The following NSFL1C variants were observed in gnomAD, a reference collection of about 807,000 sequenced individuals.
The protein encoded by NSFL1C is NSFL1 cofactor p47.
In NSFL1C, 14 loss-of-function variants were observed where a neutral mutation model predicts 43.1. The ratio of observed to expected loss-of-function variants is 0.32; its 90% CI spans 0.21 to 0.51. The LOEUF (loss-of-function observed/expected upper bound fraction) is 0.51. Ranked by LOEUF, NSFL1C falls within the 20% of genes least tolerant of loss-of-function variation. NSFL1C has a pLI of 0.98. For missense variants in NSFL1C, 406 were observed against 472.5 expected (o/e 0.86, Z 1.30); for synonymous variants, 171 against 183.5 (o/e 0.93, Z 0.55).
In NSFL1C at chr20:1,458,220, C is replaced by T. The variant is rs1184066499; in HGVS notation, c.258G>A (p.Glu86=). 5 of 1,613,722 alleles carry T rather than the reference C, an allele frequency of 3.1e-6. No homozygotes were observed. ...CTCACCTCTGGCCTTCCTCTTCCTC[C>T]TCATCTTCATCTTGGTCATGAATGA... The part of the protein sequence containing the change: ...RDLIHDQDED[E]EEEEGQRFYA... The change falls in exon 3 of 9, where the codon GAG becomes GAA. Residue 86 remains glutamate (E), a synonymous_variant. Transcript: ENST00000216879.
chr20:1,449,559 C>T (rs6105165), intron 7 of NSFL1C, among the ~76,000 whole-genome samples: 61,276 of 152,100 alleles, frequency 0.4, 13,093 homozygotes, highest in East Asian at 0.78. Context: ...CTGAGAACTG[C>T]CAACAGCTGG....
rs1204816726 is a variant in NSFL1C at position 1,452,496 on chromosome 20, C to T, written c.782G>A (p.Gly261Asp). 1.2e-6 allele frequency: 2 copies of T among 1,614,002 alleles called. No individual in the cohort carries two copies. The highest frequency in any genetic ancestry group is 1.3e-5 in the African/African-American group (1 of 74,940). Residue 261 changes from glycine to aspartate, a missense_variant, in exon 7 of 9, where the codon GGC (glycine) becomes GAC (aspartate). This residue lies in a region of NSFL1C where 196 missense variants were observed against 228.0 expected (regional missense o/e 0.86). Transcript: ENST00000216879. ...TCTAACCTGTGCTGCCCCTTACCTG[C>T]CCAGTTTCTGACCCTCGCCAGTGAA... ...KAFTGEGQKL[G>D]STAPQVLSTS...
rs764679407 is a variant in NSFL1C at position 1,458,283 on chromosome 20, A to G, written c.204-9T>C. ...ATGTCACTCTATTATCACTGGAGAC[A>G]CAGAAAGGAGCAAAATGATCTCAGG... On this transcript the variant is annotated splice_polypyrimidine_tract_variant and intron_variant, in intron 2 of 8. Coordinates refer to ENST00000216879, the MANE Select transcript of NSFL1C (RefSeq NM_016143.5). The G allele has an allele frequency of 3.1e-6, 5 of 1,612,150 alleles. No individual in the cohort carries two copies. Among genetic ancestry groups the G allele is most frequent in the Non-Finnish European group, 4.2e-6 (5 of 1,178,230 alleles).
At chr20:1,446,529 A>T (rs1469222551) in intron 7 of NSFL1C, among the ~76,000 whole-genome samples, 2 of 152,202 alleles carry the variant, frequency 1.3e-5, no homozygotes, top group African/African-American at 4.8e-5. Context: ...AATCACATGG[A>T]CCAGGGTTTG....
At chr20:1,447,164 C>T (rs1382515681) in intron 7 of NSFL1C, among the ~76,000 whole-genome samples, 1 of 152,328 alleles carries the variant, frequency 6.6e-6, no homozygotes, top group South Asian at 2.1e-4. Context: ...ATTACTAGCA[C>T]TAGAGAAGCT....
chr20:1,458,010 C>T (rs1042780492), intron 3 of NSFL1C, 190 bp downstream of exon 3: 17 of 470,142 alleles, frequency 3.6e-5, no homozygotes, highest in Non-Finnish European at 5.8e-5. Context: ...CATTAAGTAA[C>T]GGAACAGGGG....
chr20:1,454,515 G>A (rs796674615), intron 4 of NSFL1C, among the ~76,000 whole-genome samples: 3 of 152,202 alleles, frequency 2.0e-5, no homozygotes, highest in African/African-American at 7.2e-5. Flanking sequence ...GGCCAGAATT[G>A]GGGTTAAGAG....
chr20:1,457,740 T>C (rs2090331308), intron 3 of NSFL1C, among the ~76,000 whole-genome samples: 2 of 152,232 alleles, frequency 1.3e-5, no homozygotes, highest in Admixed American at 1.3e-4. Flanking sequence ...ATCCATGTTG[T>C]TGAAAATGAC....
rs2090046701 is a variant in NSFL1C at position 1,445,803 on chromosome 20, G to A, written c.813C>T (p.Ser271=). 6.2e-7 allele frequency: 1 copy of A among 1,613,934 alleles called. No homozygotes were observed. Among genetic ancestry groups the A allele is most frequent in the Non-Finnish European group, 8.5e-7 (1 of 1,180,020 alleles). Residue 271 remains serine, a synonymous_variant, in exon 8 of 9, where the codon AGC becomes AGT. Coordinates refer to ENST00000216879, the MANE Select transcript of NSFL1C (RefSeq NM_016143.5). ...CATTTTCTGCCTGTTGGGCTGGAGA[G>A]CTGGTACTCAACACCTGGGGGGCAG... is the stretch of plus-strand genomic sequence containing the variant. ...GSTAPQVLST[S]SPAQQAENEA...
At chr20:1,455,533 T>C (rs2090279667) in intron 3 of NSFL1C, among the ~76,000 whole-genome samples, 1 of 152,176 alleles carries the variant, frequency 6.6e-6, no homozygotes, top group Admixed American at 6.5e-5. Flanking sequence ...ACTACAGTCA[T>C]AGTCAGAAGT....
At position 1,449,592 on chromosome 20, in the gene NSFL1C, T is replaced by A. The variant is rs147695923; in HGVS notation, c.785+2901A>T. ...TGGGCTACTGCTCCCAGTGAGCGGC[T>A]GGCCATCTGCAGCTGTGAGGGTGCT... On this transcript the variant is annotated intron_variant, in intron 7 of 8. Transcript: ENST00000216879. Among the ~76,000 whole-genome samples the A allele has an allele frequency of 3.4e-3, 525 of 152,328 alleles. 1 individual carries two copies. Among genetic ancestry groups the A allele is most frequent in the African/African-American group, 0.012 (500 of 41,576 alleles).
chr20:1,449,104 T>C (rs1205985962), intron 7 of NSFL1C, among the ~76,000 whole-genome samples: 1 of 152,240 alleles, frequency 6.6e-6, no homozygotes, highest in Non-Finnish European at 1.5e-5. Context: ...GACCCAGCTC[T>C]GCACTGGCCA....
chr20:1,445,954 A>T, intron 7 of NSFL1C, 124 bp from the exon 8 acceptor site: 1 of 1,054,774 alleles, frequency 9.5e-7, no homozygotes, highest in Middle Eastern at 2.1e-4. Flanking sequence ...CTGCTGATCT[A>T]TTGACCCAGA....
Position 1,452,516 on chromosome 20 carries a change from A to T in NSFL1C, c.762T>A (p.Thr254=). Residue 254 remains threonine (T), a synonymous_variant, in exon 7 of 9, where the codon ACT becomes ACA. Coordinates refer to ENST00000216879, the MANE Select transcript of NSFL1C (RefSeq NM_016143.5). ...VKPKGAFKAF[T]GEGQKLGSTA... ...ACCTGCCCAGTTTCTGACCCTCGCC[A>T]GTGAAGGCTTTGAAGGCTCCTTTGG... The T allele has an allele frequency of 6.2e-7, 1 of 1,614,198 alleles. No homozygotes were observed. The highest frequency in any genetic ancestry group is 1.1e-5 in the South Asian group (1 of 91,084).
chr20:1,464,023 G>C (rs1416738633), intron 2 of NSFL1C: 1 of 335,450 alleles, frequency 3.0e-6, no homozygotes, highest in Non-Finnish European at 5.4e-6. Flanking sequence ...TTGAAAGGAA[G>C]TTTTTTGGCT....
intron 2 of NSFL1C, among the ~76,000 whole-genome samples, chr20:1,463,098 C>T (rs2090447673): frequency 6.6e-6 from 1 of 152,130 alleles, no homozygotes; most frequent in South Asian, 2.1e-4. Flanking sequence ...GGGATTTGAA[C>T]CAACGCAGTC....
At chr20:1,461,132 T>C (rs1479413185) in intron 2 of NSFL1C, among the ~76,000 whole-genome samples, 1 of 152,208 alleles carries the variant, frequency 6.6e-6, no homozygotes, top group African/African-American at 2.4e-5. Context: ...GTGAGAAACA[T>C]GGCAGAGCTT....
intron 2 of NSFL1C, 158 bp downstream of exon 2, chr20:1,464,171 A>G (rs1459098738): frequency 1.5e-6 from 1 of 651,944 alleles, no homozygotes; most frequent in Non-Finnish European, 2.7e-6. Flanking sequence ...CTGTATAGGA[A>G]ATGACTGAGG....
chr20:1,450,660 A>T (rs536072647), intron 7 of NSFL1C, among the ~76,000 whole-genome samples: 7 of 152,348 alleles, frequency 4.6e-5, no homozygotes, highest in Admixed American at 6.5e-5. Flanking sequence ...TGGTGGGCAT[A>T]AAAAATATAG....
Sources: allele counts gnomAD v4.1 joint callset (sites outside exome capture counted in the v4.1 genomes callset), GRCh38; gene constraint gnomAD v4.1.1; regional missense constraint gnomAD v4.1.1; transcripts MANE v1.5; gene names NCBI Gene and HGNC (gene_info 2026-07-23, HGNC 2026-07-21).